Variants in DMD observed in about 807,000 individuals in gnomAD.
DMD encodes mutant dystrophin.
Under a neutral mutation model 330.1 loss-of-function variants are expected in DMD, and 63 were observed. The ratio of observed to expected loss-of-function variants is 0.19; its 90% confidence interval spans 0.16 to 0.24. The LOEUF is 0.24. Ranked by LOEUF, DMD falls within the 10% of genes least tolerant of loss-of-function variation. The pLI, the probability that DMD is intolerant of heterozygous loss-of-function variation, is 1.00. For synonymous variants in DMD, 1,223 were observed against 959.8 expected, an observed-to-expected ratio of 1.27 and a Z score of -5.07; for missense variants, 3,344 against 2,684.1, an observed-to-expected ratio of 1.25 and a Z score of -5.43.
rs751922805 is a variant in DMD at position 32,100,389 on chromosome X, A to G, written c.6438+116527T>C. On this transcript the variant is annotated intron_variant, in intron 44 of 78. Coordinates refer to ENST00000357033, the MANE Select transcript of DMD (RefSeq NM_004006.3). ...TATTTTCCCAGATATATATATATAT[A>G]TGTATATATATATATATTAGCTACT... Among the ~76,000 whole-genome samples, 890 of 103,237 alleles carry G rather than the reference A, an allele frequency of 8.6e-3. 10 individuals are homozygous for G. Among genetic ancestry groups the G allele is most frequent in the African/African-American group, 0.029 (765 of 26,722 alleles). 89.6% of individuals were successfully genotyped at this position (103,237 alleles called of 115,157 possible).
intron 44 of DMD, among the ~76,000 whole-genome samples, chrX:32,107,225 T>C (rs2146574937): frequency 9.0e-6 from 1 of 110,616 alleles, no homozygotes; most frequent in Non-Finnish European, 1.9e-5. Context: ...AGGATTACGC[T>C]CTTGGCCTTG....
At chrX:32,305,993 A>G (rs766019850) in intron 42 of DMD, among the ~76,000 whole-genome samples, 9 of 110,128 alleles carry the variant, frequency 8.2e-5, no homozygotes, top group Non-Finnish European at 1.5e-4. Flanking sequence ...GCCACTTTCA[A>G]TTATACCTAC....
At chrX:33,122,547 C>T (rs1402041269) in intron 1 of DMD, among the ~76,000 whole-genome samples, 1 of 112,018 alleles carries the variant, frequency 8.9e-6, no homozygotes. Context: ...TGAGTGATAA[C>T]TTCAGCACTC....
chrX:32,761,605 T>C (rs1479725923), intron 7 of DMD, among the ~76,000 whole-genome samples: 1 of 111,726 alleles, frequency 9.0e-6, no homozygotes, highest in Admixed American at 9.5e-5. Flanking sequence ...TGGAGTTACA[T>C]AAACTGTGTG....
intron 30 of DMD, among the ~76,000 whole-genome samples, chrX:32,398,274 C>CCA (rs1557329343): frequency 1.1e-5 from 1 of 94,399 alleles, no homozygotes; most frequent in Non-Finnish European, 2.1e-5. Context: ...CCCCCCCCCC[C>CCA]AAGTAGAGTT....
intron 5 of DMD, among the ~76,000 whole-genome samples, chrX:32,819,221 G>A (rs1306420398): frequency 9.0e-6 from 1 of 110,866 alleles, no homozygotes; most frequent in Non-Finnish European, 1.9e-5. Flanking sequence ...GCACAGAAGT[G>A]ACTTGGTAGG....
chrX:32,093,130 G>A (rs1407936026), intron 44 of DMD, among the ~76,000 whole-genome samples: 1 of 112,076 alleles, frequency 8.9e-6, no homozygotes, highest in East Asian at 2.8e-4. Context: ...AGTCACTTTA[G>A]TCTTCACAAT....
intron 44 of DMD, among the ~76,000 whole-genome samples, chrX:31,998,542 T>C (rs1174428894): frequency 9.0e-6 from 1 of 111,636 alleles, no homozygotes; most frequent in Non-Finnish European, 1.9e-5. Flanking sequence ...TGGGAGTACA[T>C]AATAGTTAGA....
intron 52 of DMD, among the ~76,000 whole-genome samples, chrX:31,698,290 A>G (rs1210456479): frequency 8.9e-6 from 1 of 112,196 alleles, no homozygotes; most frequent in South Asian, 3.7e-4. Context: ...TGCAGTTAAG[A>G]CAAAGATTTC....
chrX:32,849,710 TA>T lies in DMD; in HGVS notation c.186+17del. 1 of 1,150,644 alleles carries T rather than the reference TA, an allele frequency of 8.7e-7. No homozygotes were observed. Among genetic ancestry groups the T allele is most frequent in the Non-Finnish European group, 1.2e-6 (1 of 840,387 alleles). The allele number at this position is 1,150,644 out of a possible 1,213,427, so 94.8% of individuals were successfully genotyped here. ...CTACTAAGTTTAAAGTTAACTTTCTTAAAAATAAGTCACATACCAGTTTTTG... is the reference window on the plus strand; with the variant it reads ...CTACTAAGTTTAAAGTTAACTTTCTTAAAATAAGTCACATACCAGTTTTTG... On this transcript the variant is annotated intron_variant, in intron 3 of 78. Coordinates refer to ENST00000357033, the MANE Select transcript of DMD (RefSeq NM_004006.3).
In DMD at chrX:31,485,909, T is replaced by C. The variant is rs747931310; in HGVS notation, c.8548-6806A>G. Among the ~76,000 whole-genome samples the C allele has an allele frequency of 8.9e-5, 10 of 112,389 alleles. No homozygotes were observed. The East Asian group carries it at 1.4e-3, about 16-fold the overall frequency. The stretch of plus-strand genomic sequence containing the variant: ...TTGTAAGCAGAACTTCCTAGAATCA[T>C]CCTGGGAGGCAGGCTGAAGTGGTGA... On this transcript the variant is annotated intron_variant, in intron 57 of 78. Coordinates refer to ENST00000357033, the MANE Select transcript of DMD (RefSeq NM_004006.3).
In DMD at chrX:33,021,720, G is replaced by T. The variant is rs1413512240; in HGVS notation, c.32-1520C>A. Among the ~76,000 whole-genome samples the T allele has an allele frequency of 2.7e-5, 3 of 111,340 alleles. No individual in the cohort carries two copies. In the Admixed American group the frequency reaches 2.9e-4, roughly 11 times the overall value. ...AATTTCAAACTGTCATCTTAGGTGA[G>T]AAATTTTATTTAGCATTACAAAATA... On this transcript the variant is annotated intron_variant, in intron 1 of 78. Transcript: ENST00000357033.
chrX:32,783,235 T>G (rs1249731262), intron 7 of DMD, among the ~76,000 whole-genome samples: 1 of 100,168 alleles, frequency 1.0e-5, no homozygotes. Flanking sequence ...TATACGTATA[T>G]ACACATATGT....
chrX:32,485,158 C>T, intron 20 of DMD, 59 bp from the exon 21 acceptor site: 1 of 1,114,657 alleles, frequency 9.0e-7, no homozygotes, highest in South Asian at 1.8e-5. Flanking sequence ...TTACATTTTG[C>T]AAAAGAAGGT....
intron 1 of DMD, among the ~76,000 whole-genome samples, chrX:33,173,533 A>G (rs2049472755): frequency 9.0e-6 from 1 of 111,355 alleles, no homozygotes; most frequent in African/African-American, 3.3e-5. Flanking sequence ...TCTCAGTGGC[A>G]GATTCAGTGT....
intron 11 of DMD, among the ~76,000 whole-genome samples, chrX:32,631,457 G>A (rs973933104): frequency 7.2e-5 from 8 of 111,784 alleles, no homozygotes; most frequent in Non-Finnish European, 1.1e-4. Context: ...GATCCTATAT[G>A]TAAGCCAGGG....
At chrX:31,844,846 TTAAATTAAGGCATG>T (rs908026920) in intron 48 of DMD, among the ~76,000 whole-genome samples, 2 of 110,907 alleles carry the variant, frequency 1.8e-5, no homozygotes, top group Non-Finnish European at 3.8e-5. Flanking sequence ...TAACATATTT[TTAAATTAAGGCATG>T]TACATTAGTT....
intron 67 of DMD, 81 bp downstream of exon 67, chrX:31,203,880 A>G: frequency 1.1e-6 from 1 of 937,887 alleles, no homozygotes; most frequent in African/African-American, 1.9e-5. Flanking sequence ...CTAATATGAG[A>G]AAACGAAGCT....
chrX:31,646,227 T>G (rs1313052470), intron 54 of DMD, among the ~76,000 whole-genome samples: 1 of 107,436 alleles, frequency 9.3e-6, no homozygotes, highest in Non-Finnish European at 1.9e-5. Context: ...CCTTTCCCAC[T>G]GTTCTATCAC....
Sources: allele counts gnomAD v4.1 joint callset (sites outside exome capture counted in the v4.1 genomes callset), GRCh38; gene constraint gnomAD v4.1.1; transcripts MANE v1.5; gene names NCBI Gene and HGNC (gene_info 2026-07-23, HGNC 2026-07-21).